Variants in ABCB11 observed in about 807,000 individuals in gnomAD.
ABCB11 encodes the protein bile salt export pump.
A neutral mutation model predicts 148.0 loss-of-function variants in ABCB11; 95 were observed. The ratio of observed to expected loss-of-function variants is 0.64; its 90% CI spans 0.54 to 0.76. ABCB11 has a LOEUF of 0.76. Ranked by LOEUF, ABCB11 falls within the 30% of genes least tolerant of loss-of-function variation. The pLI is 0.00. For synonymous variants in ABCB11, 591 were observed against 555.4 expected, an observed-to-expected ratio of 1.06 and a Z score of -0.90; for missense variants, 1,523 against 1,617.8, an observed-to-expected ratio of 0.94 and a Z score of 1.01.
rs142335326 is a variant in ABCB11 at position 169,013,786 on chromosome 2, G to A, written c.151-276C>T. 1.5e-3 allele frequency among the ~76,000 whole-genome samples: 223 copies of A among 152,200 alleles called. 1 individual carries two copies. Among genetic ancestry groups the A allele is most frequent in the African/African-American group, 4.9e-3 (203 of 41,544 alleles). On this transcript the variant is annotated intron_variant, in intron 4 of 27. Transcript: ENST00000650372. ...CTGTTTATTTCAGGAGCTGACTTTC[G>A]TTTTTAGCTACTCATCTACAACTTA...
intron 26 of ABCB11, 124 bp from the exon 27 acceptor site, chr2:168,924,927 T>C (rs1574390420): frequency 2.9e-6 from 2 of 695,974 alleles, no homozygotes; most frequent in East Asian, 2.8e-5. Flanking sequence ...GAACAGTGAG[T>C]GAGTCCTCCT....
intron 19 of ABCB11, among the ~76,000 whole-genome samples, chr2:168,946,673 A>G (rs1228390202): frequency 2.6e-5 from 4 of 151,824 alleles, no homozygotes; most frequent in African/African-American, 4.8e-5. Flanking sequence ...GTCACCTTTT[A>G]TAATGATGGT....
intron 19 of ABCB11, among the ~76,000 whole-genome samples, chr2:168,947,627 CTG>C (rs1692385368): frequency 6.6e-6 from 1 of 151,702 alleles, no homozygotes; most frequent in South Asian, 2.1e-4. Context: ...CAATTATACC[CTG>C]TGAGAAGAAA....
intron 1 of ABCB11, among the ~76,000 whole-genome samples, chr2:169,028,265 T>TA (rs141762876): frequency 0.055 from 8,289 of 151,922 alleles, 341 homozygotes; most frequent in Non-Finnish European, 0.082. Flanking sequence ...TCATGGAACT[T>TA]ACAATGTGGC....
chr2:169,012,932 C>G (rs954346804), intron 5 of ABCB11, among the ~76,000 whole-genome samples: 1 of 151,900 alleles, frequency 6.6e-6, no homozygotes, highest in Non-Finnish European at 1.5e-5. Flanking sequence ...AAATAGAACT[C>G]TTGGAGATGA....
In ABCB11 at chr2:168,970,166, T is replaced by C; in HGVS notation, c.1688A>G (p.Gln563Arg). Residue 563 changes from glutamine to arginine, a missense_variant, in exon 15 of 28, where the codon CAG becomes CGG. Coordinates refer to ENST00000650372, the MANE Select transcript of ABCB11 (RefSeq NM_003742.4). Reference protein sequence around the residue: ...GEGGGQMSGGQKQRVAIARAL... With the variant: ...GEGGGQMSGGRKQRVAIARAL... ...TCTGGCGATAGCTACCCTTTGTTTC[T>C]GGCCACCACTCATCTGGCCTCCTCC... The C allele has an allele frequency of 6.2e-7, 1 of 1,612,752 alleles. No individual in the cohort carries two copies. The highest frequency in any genetic ancestry group is 8.5e-7 in the Non-Finnish European group (1 of 1,179,226).
chr2:169,027,312 TC>T (rs1695730573), intron 1 of ABCB11, among the ~76,000 whole-genome samples: 1 of 152,166 alleles, frequency 6.6e-6, no homozygotes, highest in Non-Finnish European at 1.5e-5. Context: ...AATCATAGAA[TC>T]CCCCAAGAAT....
chr2:168,923,413 G>T lies in ABCB11; in HGVS notation c.*209C>A. 1.6e-6 allele frequency: 1 copy of T among 611,506 alleles called. No homozygotes were observed. Among genetic ancestry groups the T allele is most frequent in the Non-Finnish European group, 2.9e-6 (1 of 348,650 alleles). 37.9% of individuals were successfully genotyped at this position (611,506 alleles called of 1,614,324 possible). On this transcript the variant is annotated 3_prime_UTR_variant, in exon 28 of 28. Transcript: ENST00000650372. The stretch of plus-strand genomic sequence containing the variant: ...TGGACCCTAGTTTCTTTCATTTTCT[G>T]TATACACATCTAAAGCAGAATTATT...
chr2:168,916,006 A>T (rs1381370354), downstream of ABCB11, among the ~76,000 whole-genome samples: 1 of 152,244 alleles, frequency 6.6e-6, no homozygotes, highest in East Asian at 1.9e-4. Context: ...ACTATTTTGC[A>T]GTAACATGCT....
At chr2:168,989,079 T>C (rs1048319961) in intron 9 of ABCB11, among the ~76,000 whole-genome samples, 1 of 152,136 alleles carries the variant, frequency 6.6e-6, no homozygotes, top group African/African-American at 2.4e-5. Context: ...ATTCTATAAA[T>C]TGCCTCTTCA....
chr2:169,013,921 C>T (rs1248762223), intron 4 of ABCB11, among the ~76,000 whole-genome samples: 3 of 152,042 alleles, frequency 2.0e-5, no homozygotes, highest in African/African-American at 7.2e-5. Flanking sequence ...ATGAAGAATG[C>T]CAATTTCTGC....
At chr2:169,024,262 T>C (rs1163887278) in intron 1 of ABCB11, among the ~76,000 whole-genome samples, 6 of 152,164 alleles carry the variant, frequency 3.9e-5, no homozygotes, top group Non-Finnish European at 7.4e-5. Flanking sequence ...AAAGGGTTAA[T>C]GTTAGCAAGC....
rs2287616 is a variant in ABCB11, at chr2:168,990,902, A to G, written c.807T>C (p.Tyr269=). The G allele has an allele frequency of 0.012, 19,415 of 1,613,022 alleles. 2,081 individuals carry two copies. In the East Asian group the frequency reaches 0.28, roughly 24 times the overall value. Residue 269 remains tyrosine (Y), a synonymous_variant, in exon 9 of 28, where the codon TAT becomes TAC. Coordinates refer to ENST00000650372, the MANE Select transcript of ABCB11 (RefSeq NM_003742.4). ...IGLSVSKFTD[Y]ELKAYAKAGV... ...CTGCTTTGGCATAGGCCTTCAGCTC[A>G]TAGTCCGTAAACTTGGACACACTCT...
chr2:169,023,685 T>C (rs1475925437), intron 1 of ABCB11, among the ~76,000 whole-genome samples: 1 of 152,202 alleles, frequency 6.6e-6, no homozygotes, highest in Admixed American at 6.5e-5. Flanking sequence ...ATGTAAATTG[T>C]GTTACCTGCA....
chr2:168,926,102 C>T (rs1445531776), intron 26 of ABCB11, among the ~76,000 whole-genome samples: 2 of 152,008 alleles, frequency 1.3e-5, no homozygotes, highest in South Asian at 2.1e-4. Flanking sequence ...AACAATTTTC[C>T]CAGGGATATT....
chr2:168,973,963 C>G, intron 12 of ABCB11, 123 bp from the exon 13 acceptor site: 1 of 1,068,998 alleles, frequency 9.4e-7, no homozygotes, highest in South Asian at 1.7e-5. Flanking sequence ...ATGTATGCCC[C>G]CAAAGCAACG....
intron 5 of ABCB11, among the ~76,000 whole-genome samples, chr2:169,003,349 CATAT>C (rs772569568): frequency 8.4e-6 from 1 of 119,664 alleles, no homozygotes; most frequent in Non-Finnish European, 1.8e-5. Flanking sequence ...TGTGTGTGTG[CATAT>C]ATATATATAT....
intron 23 of ABCB11, among the ~76,000 whole-genome samples, 153 bp from the exon 24 acceptor site, chr2:168,932,686 G>A (rs1209280860): frequency 6.6e-6 from 1 of 152,168 alleles, no homozygotes; most frequent in Non-Finnish European, 1.5e-5. Flanking sequence ...AAATGGAGAG[G>A]GTGGTGTTTA....
Position 168,964,226 on chromosome 2 carries a change from T to C in ABCB11, c.2158A>G (p.Thr720Ala), listed in dbSNP as rs1171857255. 2 of 1,559,932 alleles carry C rather than the reference T, an allele frequency of 1.3e-6. No individual in the cohort carries two copies. The highest frequency in any genetic ancestry group is 1.4e-5 in the African/African-American group (1 of 73,572). ...PPLAVVDHKS[T>A]YEEDRKDKDI... ...CTGACCTTTCTATCTTCTTCATAGG[T>C]AGACTTATGATCTACAACAGCTAAT... The change falls in exon 18 of 28, where the codon ACC (threonine) becomes GCC (alanine). Residue 720 changes from threonine to alanine, a missense_variant. Physicochemically the swap from Thr to Ala is moderately conservative, Grantham distance 58 (BLOSUM62 0). Transcript: ENST00000650372.
Sources: allele counts gnomAD v4.1 joint callset (sites outside exome capture counted in the v4.1 genomes callset), GRCh38; gene constraint gnomAD v4.1.1; transcripts MANE v1.5; gene names NCBI Gene and HGNC (gene_info 2026-07-23, HGNC 2026-07-21).